Variants in KALRN observed in about 807,000 individuals in gnomAD.
KALRN encodes the protein kalirin RhoGEF kinase.
Under a neutral mutation model 353.7 loss-of-function variants are expected in KALRN, and 70 were observed. The ratio of observed to expected loss-of-function variants is 0.20; its 90% CI spans 0.16 to 0.24. The LOEUF is 0.24. Ranked by LOEUF, KALRN falls within the 10% of genes least tolerant of loss-of-function variation. The pLI, the probability that KALRN is intolerant of heterozygous loss-of-function variation, is 1.00. For missense variants in KALRN, 2,791 were observed against 3,756.7 expected (o/e 0.74, Z 6.72); for synonymous variants, 1,391 against 1,434.8 (o/e 0.97, Z 0.69).
intron 57 of KALRN, among the ~76,000 whole-genome samples, chr3:124,712,361 G>A (rs1311012625): frequency 3.3e-5 from 5 of 152,116 alleles, no homozygotes; most frequent in Admixed American, 1.3e-4. Context: ...TAAAATTATC[G>A]TTGAGTAGAA....
chr3:124,038,810 A>G (rs953680086), intron 1 of KALRN, among the ~76,000 whole-genome samples: 2 of 152,196 alleles, frequency 1.3e-5, no homozygotes, highest in African/African-American at 2.4e-5. Context: ...TCTTAATTCT[A>G]TAAGTGACAC....
chr3:124,315,091 C>T (rs925115175), intron 6 of KALRN, among the ~76,000 whole-genome samples: 6 of 152,194 alleles, frequency 3.9e-5, no homozygotes, highest in African/African-American at 1.2e-4. Context: ...CATTGGAGAT[C>T]ACATTTCAAC....
chr3:124,069,810 C>T (rs1355563909), intron 1 of KALRN, among the ~76,000 whole-genome samples: 1 of 151,992 alleles, frequency 6.6e-6, no homozygotes, highest in Non-Finnish European at 1.5e-5. Context: ...GTGAGCTTTG[C>T]CTGGGGGAGT....
rs140671491 is a variant in KALRN at position 124,034,881 on chromosome 3, G to C, written c.73+1068G>C. 5.9e-5 allele frequency among the ~76,000 whole-genome samples: 9 copies of C among 152,242 alleles called. No individual in the cohort carries two copies. In the East Asian group the frequency reaches 1.6e-3, roughly 26 times the overall value. The stretch of plus-strand genomic sequence containing the variant: ...AAAGTTGGATTAGAGGACATGAACT[G>C]GTGGGGGTCAGGGGTCAGGTTAGCT... On this transcript the variant is annotated intron_variant, in intron 1 of 59. Coordinates refer to ENST00000682506, the MANE Select transcript of KALRN (RefSeq NM_001388419.1).
At chr3:124,164,564 A>C (rs576224126) in intron 1 of KALRN, 1 of 152,354 alleles carries the variant, frequency 6.6e-6, no homozygotes, top group East Asian at 1.9e-4. Flanking sequence ...ACATTGAATA[A>C]ACTCTCAGTT....
At chr3:124,201,500 C>T (rs2075939045) in intron 1 of KALRN, among the ~76,000 whole-genome samples, 1 of 152,086 alleles carries the variant, frequency 6.6e-6, no homozygotes, top group Non-Finnish European at 1.5e-5. Context: ...AATAAGAAAA[C>T]ATCACTAGTA....
rs188769966 is a variant in KALRN at position 124,643,687 on chromosome 3, G to A, written c.5664+6384G>A. Among the ~76,000 whole-genome samples, 14 of 152,040 alleles carry A rather than the reference G, an allele frequency of 9.2e-5. No individual in the cohort carries two copies. The East Asian group carries it at 1.6e-3, about 17-fold the overall frequency. The stretch of plus-strand genomic sequence containing the variant: ...CTATTTTTAGCAGAGATGAGGTCTC[G>A]CTTTGTTGCCCAGACTGGCGTTGAA... On this transcript the variant is annotated intron_variant, in intron 37 of 59. Transcript: ENST00000682506.
rs534499474 is a variant in KALRN at position 124,107,996 on chromosome 3, C to T, written c.73+74183C>T. Reference sequence around the variant, plus strand: ...GACCAATCTGATTATGTGGCTTCTCCGCCCCTCACTCTGTTAATCACATCT... The same window carrying T: ...GACCAATCTGATTATGTGGCTTCTCTGCCCCTCACTCTGTTAATCACATCT... On this transcript the variant is annotated intron_variant, in intron 1 of 59. Transcript: ENST00000682506. 5.3e-5 allele frequency among the ~76,000 whole-genome samples: 8 copies of T among 152,256 alleles called. No individual in the cohort carries two copies. The South Asian group carries it at 1.2e-3, about 24-fold the overall frequency.
At position 124,247,491 on chromosome 3, in the gene KALRN, G is replaced by A. The variant is rs184961690; in HGVS notation, c.263+12548G>A. On this transcript the variant is annotated intron_variant, in intron 3 of 59. Transcript: ENST00000682506. ...AATTTTATAATAATGCTATTTTGGG[G>A]ATATAAATAGTGTGGTGTTTCTATA... 2.6e-5 allele frequency among the ~76,000 whole-genome samples: 4 copies of A among 151,754 alleles called. No homozygotes were observed. The East Asian group carries it at 7.7e-4, about 29-fold the overall frequency.
intron 34 of KALRN, among the ~76,000 whole-genome samples, chr3:124,611,290 C>T (rs1198262646): frequency 6.6e-6 from 1 of 152,032 alleles, no homozygotes; most frequent in African/African-American, 2.4e-5. Context: ...ATAATGTTAC[C>T]TAAAACTGTG....
intron 1 of KALRN, among the ~76,000 whole-genome samples, chr3:124,106,081 A>G (rs1242820742): frequency 6.6e-6 from 1 of 152,172 alleles, no homozygotes; most frequent in Non-Finnish European, 1.5e-5. Flanking sequence ...TTGAATTTGC[A>G]ATAACAGCTT....
intron 1 of KALRN, among the ~76,000 whole-genome samples, chr3:124,059,544 T>C (rs2041834744): frequency 2.6e-5 from 4 of 152,200 alleles, no homozygotes; most frequent in African/African-American, 9.7e-5. Context: ...TTGACCAACA[T>C]TTCCTTCTCA....
intron 1 of KALRN, among the ~76,000 whole-genome samples, chr3:124,103,057 T>G (rs532006943): frequency 1.7e-4 from 26 of 152,188 alleles, no homozygotes; most frequent in Non-Finnish European, 2.8e-4. Flanking sequence ...TAGGATGGGT[T>G]GCCCCCTCTA....
intron 3 of KALRN, among the ~76,000 whole-genome samples, chr3:124,241,565 T>C (rs2080448300): frequency 6.6e-6 from 1 of 152,218 alleles, no homozygotes; most frequent in Non-Finnish European, 1.5e-5. Flanking sequence ...AAAAGTAAAA[T>C]TCTTTTCAAT....
At chr3:124,171,019 G>A (rs1056557173) in intron 1 of KALRN, among the ~76,000 whole-genome samples, 2 of 151,670 alleles carry the variant, frequency 1.3e-5, no homozygotes, top group African/African-American at 4.9e-5. Flanking sequence ...GTTTCATTAT[G>A]TTAGCCAGGC....
intron 51 of KALRN, among the ~76,000 whole-genome samples, chr3:124,683,965 T>C (rs1409873150): frequency 1.3e-5 from 2 of 152,248 alleles, no homozygotes; most frequent in South Asian, 4.1e-4. Context: ...TAGTAAAATA[T>C]ACATAACAAA....
chr3:124,496,840 A>T (rs1402408796), intron 33 of KALRN, among the ~76,000 whole-genome samples: 1 of 152,196 alleles, frequency 6.6e-6, no homozygotes, highest in African/African-American at 2.4e-5. Context: ...AGAAGAGCTC[A>T]TCTCAAAGTT....
rs771030176 is a variant in KALRN at position 124,667,174 on chromosome 3, T to A, written c.6694T>A (p.Phe2232Ile). The A allele has an allele frequency of 3.7e-6, 6 of 1,613,574 alleles. No individual in the cohort carries two copies. The highest frequency in any genetic ancestry group is 5.1e-6 in the Non-Finnish European group (6 of 1,179,598). ...INQVLETQRD[F>I]LNALQSPIEY... is the part of the protein sequence containing the mutation. ...TCAAGTCTTAGAAACACAGCGAGACTTTTTGAATGGTGGGTGCTGGGCTTG... is the reference window on the plus strand; with the variant it reads ...TCAAGTCTTAGAAACACAGCGAGACATTTTGAATGGTGGGTGCTGGGCTTG... Residue 2232 changes from phenylalanine to isoleucine, a missense_variant, in exon 47 of 60, where the codon TTT (phenylalanine) becomes ATT (isoleucine). Around this residue, in one of 11 missense-constraint regions of KALRN, gnomAD observed 1,065 missense variants for 1,156.4 expected, o/e 0.92. Transcript: ENST00000682506.
chr3:124,679,317 C>A (rs940974438), intron 50 of KALRN, 141 bp from the exon 51 acceptor site: 2 of 680,472 alleles, frequency 2.9e-6, no homozygotes, highest in African/African-American at 1.8e-5. Flanking sequence ...TTCTCACCCC[C>A]ACTTTAAAAA....
Sources: allele counts gnomAD v4.1 joint callset (sites outside exome capture counted in the v4.1 genomes callset), GRCh38; gene constraint gnomAD v4.1.1; regional missense constraint gnomAD v4.1.1; transcripts MANE v1.5; gene names NCBI Gene and HGNC (gene_info 2026-07-23, HGNC 2026-07-21).